Variants in CDK12 observed in about 807,000 individuals in gnomAD.
CDK12 encodes cyclin-dependent kinase 12.
In CDK12, 17 loss-of-function variants were observed where a neutral mutation model predicts 133.8. The observed-to-expected ratio is 0.13, with a 90% CI of 0.09 to 0.19. The LOEUF (loss-of-function observed/expected upper bound fraction) is 0.19, where lower values mean the gene tolerates loss of function less well. Among genes scored for constraint, CDK12 ranks in the 10% least tolerant of loss-of-function variants. The pLI, the probability that CDK12 is intolerant of heterozygous loss-of-function variation, is 1.00. For missense variants in CDK12, 1,508 were observed against 1,818.7 expected (o/e 0.83, Z 3.11); for synonymous variants, 694 against 683.6 (o/e 1.02, Z -0.24).
chr17:39,461,892 C>T lies in CDK12; in HGVS notation c.-180C>T, dbSNP rs1051280972. 1.8e-5 allele frequency: 11 copies of T among 603,328 alleles called. No individual in the cohort carries two copies. The highest frequency in any genetic ancestry group is 3.0e-5 in the Non-Finnish European group (10 of 337,160). The allele number at this position is 603,328 out of a possible 1,614,324, so 37.4% of individuals were successfully genotyped here. A position where few individuals can be genotyped will look rare whatever the true frequency, so the allele number is the denominator to read the frequency against. On this transcript the variant is annotated 5_prime_UTR_variant, in exon 1 of 14. Coordinates refer to ENST00000447079, the MANE Select transcript of CDK12 (RefSeq NM_016507.4). ...TCCCTCGCTCCTTCACCCCCCACCT[C>T]ATGTAGAAGGGTGCTGAGGCGTCGG... is the stretch of plus-strand genomic sequence containing the variant.
chr17:39,473,856 G>A (rs541915923), intron 2 of CDK12, among the ~76,000 whole-genome samples: 7 of 151,638 alleles, frequency 4.6e-5, no homozygotes, highest in South Asian at 2.1e-4. Context: ...CTGCCCTCTA[G>A]CCTGGGCAAC....
intron 10 of CDK12, 36 bp downstream of exon 10, chr17:39,517,592 T>G: frequency 7.6e-7 from 1 of 1,316,208 alleles, no homozygotes; most frequent in Non-Finnish European, 1.1e-6. Context: ...CGTTTCTGTG[T>G]CTGGCTGGTG....
intron 3 of CDK12, among the ~76,000 whole-genome samples, chr17:39,564,244 T>C (rs1452434575): frequency 6.6e-6 from 1 of 152,168 alleles, no homozygotes; most frequent in Non-Finnish European, 1.5e-5. Context: ...AACCTTTCTA[T>C]GGGCTCTCTC....
chr17:39,502,290 C>G (rs920095019), intron 6 of CDK12, among the ~76,000 whole-genome samples: 4 of 151,498 alleles, frequency 2.6e-5, no homozygotes, highest in African/African-American at 9.7e-5. Context: ...ATAGCTGGGA[C>G]TACAGGCGCC....
At chr17:39,466,285 G>C (rs2049299685) in intron 1 of CDK12, among the ~76,000 whole-genome samples, 1 of 149,106 alleles carries the variant, frequency 6.7e-6, no homozygotes, top group South Asian at 2.1e-4. Flanking sequence ...TCCAGCCTGG[G>C]CGACAGAATG....
At chr17:39,471,995 G>T (rs2049831602) in intron 2 of CDK12, among the ~76,000 whole-genome samples, 1 of 151,912 alleles carries the variant, frequency 6.6e-6, no homozygotes, top group Non-Finnish European at 1.5e-5. Flanking sequence ...TGTATTTTTT[G>T]TATTTTGAGA....
At chr17:39,503,995 A>G (rs1180552926) in intron 6 of CDK12, among the ~76,000 whole-genome samples, 1 of 152,192 alleles carries the variant, frequency 6.6e-6, no homozygotes, top group African/African-American at 2.4e-5. Context: ...CTTCGTAATA[A>G]ATGGTCAGTG....
chr17:39,530,989 C>T lies in CDK12; in HGVS notation c.4146C>T (p.His1382=). ...GGACCTTCTCAGGCTCTCTGAGCCACCTTGGGGAGTCCAGCAGTTACCAGG... is the reference window on the plus strand; with the variant it reads ...GGACCTTCTCAGGCTCTCTGAGCCATCTTGGGGAGTCCAGCAGTTACCAGG... ...KNRTFSGSLS[H]LGESSSYQGT... The change falls in exon 14 of 14, where the codon CAC becomes CAT. Residue 1382 remains histidine (H), a synonymous_variant. Transcript: ENST00000447079. The T allele has an allele frequency of 1.2e-6, 2 of 1,614,170 alleles. No individual in the cohort carries two copies. The highest frequency in any genetic ancestry group is 8.5e-7 in the Non-Finnish European group (1 of 1,180,026).
At chr17:39,506,401 G>A (rs1399247358) in intron 6 of CDK12, among the ~76,000 whole-genome samples, 1 of 151,146 alleles carries the variant, frequency 6.6e-6, no homozygotes, top group East Asian at 1.9e-4. Context: ...TTTTAGTAGA[G>A]ACGGGGTTTC....
rs758539836 is a variant in CDK12 at position 39,520,061 on chromosome 17, C to T, written c.3069C>T (p.Val1023=). The change falls in exon 11 of 14, where the codon GTC becomes GTT. Residue 1023 remains valine, a synonymous_variant. Coordinates refer to ENST00000447079, the MANE Select transcript of CDK12 (RefSeq NM_016507.4). ...TACAGAGCGACTTCCTTAAAGATGT[C>T]GAACTCAGCAAAATGGCTCCTCCAG... ...QTLQSDFLKD[V]ELSKMAPPDL... 31 of 1,613,970 alleles carry T rather than the reference C, an allele frequency of 1.9e-5. No homozygotes were observed. The highest frequency in any genetic ancestry group is 1.2e-4 in the South Asian group (11 of 91,064).
At chr17:39,516,822 G>A (rs1039371531) in intron 9 of CDK12, among the ~76,000 whole-genome samples, 1 of 151,296 alleles carries the variant, frequency 6.6e-6, no homozygotes, top group East Asian at 1.9e-4. Context: ...ACCACCACAC[G>A]CGGCTCATTT....
intron 7 of CDK12, 95 bp downstream of exon 7, chr17:39,509,856 C>T (rs1002629636): frequency 1.7e-5 from 16 of 942,170 alleles, no homozygotes; most frequent in Non-Finnish European, 2.2e-5. Context: ...GGCTGGAGTG[C>T]GTGGCTTGAT....
intron 1 of CDK12, among the ~76,000 whole-genome samples, chr17:39,466,031 G>T (rs1280678645): frequency 6.6e-6 from 1 of 152,110 alleles, no homozygotes; most frequent in Non-Finnish European, 1.5e-5. Flanking sequence ...AGGAGGCTGG[G>T]CGTGGTGGCT....
At chr17:39,545,870 A>G (rs948474603), upstream of CDK12, among the ~76,000 whole-genome samples, 2 of 146,090 alleles carry the variant, frequency 1.4e-5, no homozygotes, top group Non-Finnish European at 3.0e-5. Context: ...ATCTCGGCTC[A>G]CTGCAACCTC....
chr17:39,494,494 G>C, intron 4 of CDK12, 30 bp from the exon 5 acceptor site: 1 of 1,607,220 alleles, frequency 6.2e-7, no homozygotes, highest in Non-Finnish European at 8.5e-7. Context: ...AATGCTCATT[G>C]ATAATAACAG....
chr17:39,518,315 C>T (rs4795378), intron 10 of CDK12, among the ~76,000 whole-genome samples: 49,571 of 151,260 alleles, frequency 0.33, 9,555 homozygotes, highest in South Asian at 0.51. Context: ...CACAGGCACC[C>T]GCCACCACAC....
chr17:39,536,780 GAGAA>G (rs2055152363), downstream of CDK12, among the ~76,000 whole-genome samples: 1 of 152,218 alleles, frequency 6.6e-6, no homozygotes. Flanking sequence ...CCAAGGCTGA[GAGAA>G]AGAGACTGAT....
At chr17:39,477,323 C>T (rs564917211) in intron 2 of CDK12, among the ~76,000 whole-genome samples, 7 of 152,188 alleles carry the variant, frequency 4.6e-5, no homozygotes, top group African/African-American at 1.7e-4. Flanking sequence ...ACAACCTCCA[C>T]CTCCTGGGTT....
chr17:39,540,889 A>G (rs2143745391), intron 1 of CDK12, among the ~76,000 whole-genome samples: 1 of 152,320 alleles, frequency 6.6e-6, no homozygotes, highest in East Asian at 1.9e-4. Flanking sequence ...GCAGCAGATC[A>G]GAACAAGGCC....
Sources: allele counts gnomAD v4.1 joint callset (sites outside exome capture counted in the v4.1 genomes callset), GRCh38; gene constraint gnomAD v4.1.1; transcripts MANE v1.5; gene names NCBI Gene and HGNC (gene_info 2026-07-23, HGNC 2026-07-21).